Variants in TAL1 observed in about 807,000 individuals in gnomAD.
The protein encoded by TAL1 is TAL bHLH transcription factor 1, erythroid differentiation factor.
A neutral mutation model predicts 17.9 loss-of-function variants in TAL1; 8 were observed. That is an observed-to-expected ratio of 0.45 (90% CI 0.26 to 0.81). TAL1 has a LOEUF of 0.81. TAL1 is among the 30% of genes least tolerant of loss of function. The pLI is 0.17. For missense variants in TAL1, 466 were observed against 486.9 expected (o/e 0.96, Z 0.40); for synonymous variants, 223 against 218.6 (o/e 1.02, Z -0.18).
intron 3 of TAL1, chr1:47,223,760 C>A (rs77088951): frequency 7.2e-5 from 34 of 473,932 alleles, no homozygotes; most frequent in African/African-American, 6.4e-4. Flanking sequence ...GGGCTAAGCG[C>A]CATTATGTGT....
chr1:47,218,454 A>C (rs540956755), exon 4 of TAL1: 1 of 232,990 alleles, frequency 4.3e-6, no homozygotes, highest in East Asian at 6.0e-5. Flanking sequence ...TTTCATGTAC[A>C]ACTTTCAGAG....
intron 3 of TAL1, among the ~76,000 whole-genome samples, chr1:47,221,157 G>A (rs985633024): frequency 6.6e-6 from 1 of 152,204 alleles, no homozygotes; most frequent in Non-Finnish European, 1.5e-5. Context: ...AAAGCACAGA[G>A]TAGGGGCTTA....
chr1:47,229,218 G>A, exon 1 of TAL1: 1 of 196,738 alleles, frequency 5.1e-6, no homozygotes, highest in African/African-American at 2.3e-5. Flanking sequence ...TAGAGAGACC[G>A]GCCCCTCTGA....
In TAL1 at chr1:47,229,387, G is replaced by C. The variant is rs1006220391; in HGVS notation, c.-193C>G. On this transcript the variant is annotated 5_prime_UTR_variant, in exon 1 of 4. Coordinates refer to ENST00000294339, the Ensembl canonical transcript of TAL1. ...CAAAGCGAGTTTCCAGGAAAGATAG[G>C]GGTGGAGAGAAAGAGGCAGGGCAAG... 5.4e-5 allele frequency: 10 copies of C among 184,702 alleles called. No individual in the cohort carries two copies. In the East Asian group the frequency reaches 8.7e-4, roughly 16 times the overall value. 11.4% of individuals were successfully genotyped at this position (184,702 alleles called of 1,614,324 possible).
At chr1:47,219,894 G>GGCGGCCCCCCCCCCCCCCCCCCCCCCC in exon 4 of TAL1, 1 of 1,556,036 alleles carries the variant, frequency 6.4e-7, no homozygotes, top group Non-Finnish European at 8.7e-7. Flanking sequence ...CTGGGGGCGC[G>GGCGGCCCCCCCCCCCCCCCCCCCCCCC]CCGCCCCCTC....
exon 1 of TAL1, chr1:47,229,770 G>A (rs1317396595): frequency 6.6e-6 from 1 of 152,264 alleles, no homozygotes; most frequent in Non-Finnish European, 1.5e-5. Flanking sequence ...ATAGTCCCGG[G>A]CCTGGATGGG....
At chr1:47,224,294 T>C (rs1468386459) in intron 2 of TAL1, among the ~76,000 whole-genome samples, 196 bp from the exon 4 acceptor site, 1 of 151,362 alleles carries the variant, frequency 6.6e-6, no homozygotes, top group Admixed American at 6.6e-5. Context: ...CTGTCTGTCA[T>C]AAAACAAGCA....
intron 3 of TAL1, among the ~76,000 whole-genome samples, chr1:47,220,399 T>G (rs1643763910): frequency 6.6e-6 from 1 of 152,104 alleles, no homozygotes. Context: ...ATCCCTGGAG[T>G]TCCATCACTC....
chr1:47,220,035 C>T, exon 4 of TAL1: 1 of 1,613,852 alleles, frequency 6.2e-7, no homozygotes, highest in Non-Finnish European at 8.5e-7. Flanking sequence ...GGCGGAGGAT[C>T]TCATTCTTGC....
exon 4 of TAL1, chr1:47,220,103 C>G: frequency 1.2e-6 from 2 of 1,610,592 alleles, no homozygotes; most frequent in Non-Finnish European, 1.7e-6. Context: ...GCAAAGGCCC[C>G]GTTCACATTC....
At chr1:47,221,131 A>G (rs1245544573) in intron 3 of TAL1, among the ~76,000 whole-genome samples, 3 of 152,198 alleles carry the variant, frequency 2.0e-5, no homozygotes, top group Non-Finnish European at 4.4e-5. Context: ...GGGGGACTTT[A>G]TCCTAAGGGT....
At chr1:47,223,976 G>T in intron 3 of TAL1, 28 bp downstream of exon 4, 1 of 1,604,978 alleles carries the variant, frequency 6.2e-7, no homozygotes. Flanking sequence ...TGAGGGGCAG[G>T]TACAACGGTG....
At chr1:47,219,480 G>T in exon 4 of TAL1, 1 of 702,746 alleles carries the variant, frequency 1.4e-6, no homozygotes. Flanking sequence ...AGGGAAGACC[G>T]TGCCGTCTTC....
At chr1:47,232,024 C>G (rs141891032), upstream of TAL1, 1 of 230,774 alleles carries the variant, frequency 4.3e-6, no homozygotes, top group East Asian at 6.1e-5. Flanking sequence ...CCCCCACCGC[C>G]CCCCCCGGCC....
At chr1:47,226,003 C>G (rs1253119869) in intron 1 of TAL1, 114 bp from the exon 3 acceptor site, 1 of 949,298 alleles carries the variant, frequency 1.1e-6, no homozygotes, top group Non-Finnish European at 1.3e-6. Flanking sequence ...CGCACCGAGA[C>G]GTGAGAAGAG....
exon 1 of TAL1, chr1:47,229,519 G>C (rs989815734): frequency 5.7e-6 from 1 of 175,356 alleles, no homozygotes; most frequent in African/African-American, 2.4e-5. Context: ...ACCTGCAGGT[G>C]TTTGGAGCCT....
At chr1:47,217,404 C>T in exon 4 of TAL1, 2 of 397,046 alleles carry the variant, frequency 5.0e-6, no homozygotes, top group Non-Finnish European at 8.9e-6. Flanking sequence ...CACACACACA[C>T]ACACACAAAT....
At chr1:47,220,111 T>C in exon 4 of TAL1, 1 of 1,608,288 alleles carries the variant, frequency 6.2e-7, no homozygotes, top group Non-Finnish European at 8.5e-7. Context: ...CCCGTTCACA[T>C]TCTGCTGCCG....
exon 2 of TAL1, chr1:47,225,605 C>A: frequency 7.3e-7 from 1 of 1,366,774 alleles, no homozygotes; most frequent in African/African-American, 1.5e-5. Flanking sequence ...CCCGGGAGGT[C>A]TGCACAGCTC....
Sources: allele counts gnomAD v4.1 joint callset (sites outside exome capture counted in the v4.1 genomes callset), GRCh38; gene constraint gnomAD v4.1.1; transcripts MANE v1.5; gene names NCBI Gene and HGNC (gene_info 2026-07-23, HGNC 2026-07-21).